Variants in CASP10 observed in about 807,000 individuals in gnomAD.
CASP10 encodes caspase 10, also known as caspase-10.
CASP10 carries 41 observed loss-of-function variants against 48.5 expected under a neutral mutation model. That is an observed-to-expected ratio of 0.85 (90% CI 0.66 to 1.10). The LOEUF (loss-of-function observed/expected upper bound fraction) is 1.10. Ranked by LOEUF, CASP10 falls within the 50% of genes least tolerant of loss-of-function variation. The pLI is 0.00. For missense variants in CASP10, 614 were observed against 614.5 expected, an observed-to-expected ratio of 1.00 and a Z score of 0.01; for synonymous variants, 232 against 238.4, an observed-to-expected ratio of 0.97 and a Z score of 0.25.
intron 5 of CASP10, among the ~76,000 whole-genome samples, chr2:201,202,336 C>T (rs1945048610): frequency 6.6e-6 from 1 of 152,174 alleles, no homozygotes; most frequent in Admixed American, 6.5e-5. Context: ...TCATTCATTC[C>T]TCTCTGACAT....
At position 201,218,243 on chromosome 2, in the gene CASP10, C is replaced by T. The variant is rs1945635781; in HGVS notation, c.*502C>T. On this transcript the variant is annotated 3_prime_UTR_variant, in exon 10 of 10. Transcript: ENST00000286186. ...GCCAGAAAACTTTCATTATTGAAGACTTGGATTGTAGCCTTGGTTTTGGAT... is the reference window on the plus strand; with the variant it reads ...GCCAGAAAACTTTCATTATTGAAGATTTGGATTGTAGCCTTGGTTTTGGAT... 1 of 1,014,188 alleles carries T rather than the reference C, an allele frequency of 9.9e-7. No individual in the cohort carries two copies. Among genetic ancestry groups the T allele is most frequent in the South Asian group, 3.9e-5 (1 of 25,736 alleles). The allele number at this position is 1,014,188 out of a possible 1,614,324, so 62.8% of individuals were successfully genotyped here. A position where few individuals can be genotyped will look rare whatever the true frequency, so the allele number is the denominator to read the frequency against.
chr2:201,195,909 T>C lies in CASP10; in HGVS notation c.645T>C (p.Val215=), dbSNP rs759488307. ...CGTATCAAGGAGAGGAAGAACTAGTTTCCCAAACAGATGTTAAGACATTCT... is the reference window on the plus strand; with the variant it reads ...CGTATCAAGGAGAGGAAGAACTAGTCTCCCAAACAGATGTTAAGACATTCT... ...AESYQGEEEL[V]SQTDVKTFLE... is the part of the protein sequence containing the mutation. Residue 215 remains valine (V), a synonymous_variant, in exon 5 of 10, where the codon GTT becomes GTC. Transcript: ENST00000286186. 2 of 1,613,912 alleles carry C rather than the reference T, an allele frequency of 1.2e-6. No individual in the cohort carries two copies. Among genetic ancestry groups the C allele is most frequent in the East Asian group, 4.5e-5 (2 of 44,898 alleles).
intron 8 of CASP10, chr2:201,208,440 C>G (rs1273293917): frequency 1.1e-6 from 1 of 877,156 alleles, no homozygotes; most frequent in African/African-American, 1.8e-5. Flanking sequence ...ACAACTTGGG[C>G]GTGAGCTCCA....
intron 8 of CASP10, 58 bp from the exon 9 acceptor site, chr2:201,209,012 T>TTCCCTTTTGC: frequency 6.3e-7 from 1 of 1,576,298 alleles, no homozygotes; most frequent in Non-Finnish European, 8.6e-7. Flanking sequence ...TGCATCATTT[T>TTCCCTTTTGC]ATTATTTCCC....
intron 6 of CASP10, among the ~76,000 whole-genome samples, chr2:201,204,285 T>G (rs1318646692): frequency 6.6e-6 from 1 of 152,232 alleles, no homozygotes; most frequent in East Asian, 1.9e-4. Context: ...GTTAAACTGC[T>G]TATGAACAAA....
chr2:201,183,985 T>G, intron 1 of CASP10, among the ~76,000 whole-genome samples: 1 of 151,512 alleles, frequency 6.6e-6, no homozygotes, highest in East Asian at 2.0e-4. Context: ...AACTTCCGCC[T>G]CCCAGGTTCA....
chr2:201,229,033 T>C lies in CASP10; in HGVS notation c.1516T>C (p.Ser506Pro), dbSNP rs1160921844. ...AGCAACCTCCCTGCCCACGGCCATC[T>C]CTGCGCAGACACCTCGACCCCCCAT... is the stretch of plus-strand genomic sequence containing the variant. Residue 506 changes from serine (S) to proline (P), a missense_variant, in exon 10 of 10, where the codon TCT becomes CCT. Ser to Pro is a moderately conservative substitution (Grantham distance 74). Transcript: ENST00000272879. 5 of 1,614,170 alleles carry C rather than the reference T, an allele frequency of 3.1e-6. No homozygotes were observed. In the South Asian group the frequency reaches 4.4e-5, roughly 14 times the overall value.
At chr2:201,193,747 T>C (rs887468240) in intron 4 of CASP10, among the ~76,000 whole-genome samples, 4 of 152,096 alleles carry the variant, frequency 2.6e-5, no homozygotes, top group African/African-American at 9.7e-5. Context: ...AGTGAGAGTA[T>C]AGGGAATTAT....
intron 9 of CASP10, among the ~76,000 whole-genome samples, chr2:201,228,474 G>A (rs1004561663): frequency 6.6e-6 from 1 of 152,224 alleles, no homozygotes; most frequent in East Asian, 1.9e-4. Context: ...GGCACAGTGA[G>A]CCAGTTTTGG....
intron 1 of CASP10, among the ~76,000 whole-genome samples, chr2:201,184,443 C>T (rs1466999537): frequency 6.6e-6 from 1 of 152,068 alleles, no homozygotes; most frequent in Non-Finnish European, 1.5e-5. Context: ...TCTGCTTCAG[C>T]CCTCTGAGTA....
chr2:201,219,374 T>C lies in CASP10; in HGVS notation c.*1633T>C, dbSNP rs965515471. ...AAGGGAATTTATTGCCTCTTTCACATTGAAACCCAGGAGTGGATAACACTG... is the reference window on the plus strand; with the variant it reads ...AAGGGAATTTATTGCCTCTTTCACACTGAAACCCAGGAGTGGATAACACTG... On this transcript the variant is annotated 3_prime_UTR_variant, in exon 10 of 10. Transcript: ENST00000286186. The C allele has an allele frequency of 6.6e-6, 6 of 915,564 alleles. No individual in the cohort carries two copies. The highest frequency in any genetic ancestry group is 2.4e-4 in the East Asian group (2 of 8,470). 56.7% of individuals were successfully genotyped at this position (915,564 alleles called of 1,614,324 possible).
At chr2:201,194,435 A>G (rs545863072) in intron 4 of CASP10, among the ~76,000 whole-genome samples, 1 of 152,358 alleles carries the variant, frequency 6.6e-6, no homozygotes, top group Non-Finnish European at 1.5e-5. Flanking sequence ...GTTGAGGAGC[A>G]AAATATACTG....
intron 5 of CASP10, among the ~76,000 whole-genome samples, chr2:201,197,894 T>C (rs535149797): frequency 8.5e-5 from 13 of 152,386 alleles, no homozygotes; most frequent in Non-Finnish European, 1.6e-4. Context: ...TGGTGGATTA[T>C]ATAGTCATTC....
At chr2:201,198,486 A>G (rs1944885306) in intron 5 of CASP10, among the ~76,000 whole-genome samples, 1 of 150,790 alleles carries the variant, frequency 6.6e-6, no homozygotes, top group South Asian at 2.1e-4. Context: ...TGGCCTCCCA[A>G]AGTGCTGGGA....
intron 9 of CASP10, among the ~76,000 whole-genome samples, chr2:201,226,690 C>CA (rs11354026): frequency 0.41 from 58,999 of 142,572 alleles, 12,011 homozygotes; most frequent in Non-Finnish European, 0.49. Context: ...TGTAAAAGTA[C>CA]AAAAAAAAAA....
rs1945184493 is a variant in CASP10, at chr2:201,205,896, A to G, written c.736A>G (p.Asn246Asp). 1 of 1,609,890 alleles carries G rather than the reference A, an allele frequency of 6.2e-7. No individual in the cohort carries two copies. Among genetic ancestry groups the G allele is most frequent in the African/African-American group, 1.3e-5 (1 of 74,858 alleles). ...HAGSNGNRAT[N>D]GAPSLVSRGM... ...TCTCTTTCTAGGTAACAGAGCCACA[A>G]ATGGTGCACCAAGCCTGGTCTCCAG... The change falls in exon 7 of 10, where the codon AAT (asparagine) becomes GAT (aspartate). Residue 246 changes from asparagine (N) to aspartate (D), a missense_variant. Asn to Asp is a conservative substitution (Grantham distance 23). Transcript: ENST00000286186.
Position 201,218,983 on chromosome 2 carries a change from T to C in CASP10, c.*1242T>C. On this transcript the variant is annotated 3_prime_UTR_variant, in exon 10 of 10. Transcript: ENST00000286186. ...CTTTACAACCTGATGTCATATTCCA[T>C]TTTGGACTGGGTGCGGTGACTCATG... 6 of 985,412 alleles carry C rather than the reference T, an allele frequency of 6.1e-6. No homozygotes were observed. The South Asian group carries it at 1.4e-4, about 23-fold the overall frequency. 61.0% of individuals were successfully genotyped at this position (985,412 alleles called of 1,614,324 possible).
downstream of CASP10, among the ~76,000 whole-genome samples, chr2:201,225,815 A>T (rs1248255564): frequency 6.6e-6 from 1 of 152,162 alleles, no homozygotes. Context: ...TACTAAAAAA[A>T]ATTAGCTGGG....
intron 1 of CASP10, among the ~76,000 whole-genome samples, chr2:201,185,530 A>C (rs1016944549): frequency 3.3e-4 from 51 of 152,320 alleles, no homozygotes; most frequent in African/African-American, 1.2e-3. Flanking sequence ...AATCAAGGTG[A>C]ATTGAATTCC....
Sources: allele counts gnomAD v4.1 joint callset (sites outside exome capture counted in the v4.1 genomes callset), GRCh38; gene constraint gnomAD v4.1.1; transcripts MANE v1.5; gene names NCBI Gene and HGNC (gene_info 2026-07-23, HGNC 2026-07-21).